PTK2: variants seen among roughly 807,000 people sequenced by gnomAD.
PTK2 encodes protein tyrosine kinase 2.
Under a neutral mutation model 150.1 loss-of-function variants are expected in PTK2, and 45 were observed. The observed-to-expected ratio is 0.30, with a 90% CI of 0.24 to 0.38. The LOEUF is 0.38. Ranked by LOEUF, PTK2 falls within the 10% of genes least tolerant of loss-of-function variation. The probability of loss-of-function intolerance (pLI) is 1.00; values close to 1 mark genes in which losing one functional copy is unlikely to be tolerated. For synonymous variants in PTK2, 432 were observed against 449.2 expected, an observed-to-expected ratio of 0.96 and a Z score of 0.48; for missense variants, 919 against 1,307.3, an observed-to-expected ratio of 0.70 and a Z score of 4.58.
intron 27 of PTK2, among the ~76,000 whole-genome samples, chr8:140,676,963 AT>A (rs1386071637): frequency 8.2e-4 from 117 of 143,178 alleles, no homozygotes; most frequent in African/African-American, 2.4e-3. Context: ...AAAAAAAAAA[AT>A]GACTTAATGG....
chr8:140,872,354 C>T (rs2100143038), intron 4 of PTK2, among the ~76,000 whole-genome samples: 1 of 152,146 alleles, frequency 6.6e-6, no homozygotes, highest in South Asian at 2.1e-4. Context: ...CCGCTGCATG[C>T]TTTTAAATTT....
chr8:140,708,515 C>T (rs1486481425), intron 23 of PTK2, among the ~76,000 whole-genome samples: 2 of 152,166 alleles, frequency 1.3e-5, no homozygotes, highest in Non-Finnish European at 2.9e-5. Flanking sequence ...CTTGCTCTAG[C>T]CCTGCTATTA....
At chr8:140,674,890 TA>T (rs201910315) in intron 28 of PTK2, among the ~76,000 whole-genome samples, 48 of 138,098 alleles carry the variant, frequency 3.5e-4, no homozygotes, top group Admixed American at 7.2e-4. Context: ...CTAGTAAAAT[TA>T]AAAAAAAAAA....
intron 24 of PTK2, among the ~76,000 whole-genome samples, chr8:140,705,269 C>T (rs2100033041): frequency 6.6e-6 from 1 of 152,102 alleles, no homozygotes; most frequent in East Asian, 1.9e-4. Context: ...TAATTTAAAC[C>T]ACGCTTTCAA....
intron 4 of PTK2, among the ~76,000 whole-genome samples, chr8:140,873,339 G>A (rs1447430808): frequency 2.6e-5 from 4 of 152,184 alleles, no homozygotes; most frequent in Admixed American, 1.3e-4. Flanking sequence ...CTAAGGTATC[G>A]ATTTGCATTT....
chr8:140,696,174 C>T (rs1005372096), intron 26 of PTK2, among the ~76,000 whole-genome samples: 2 of 152,076 alleles, frequency 1.3e-5, no homozygotes, highest in East Asian at 1.9e-4. Flanking sequence ...GGGGAGAGTG[C>T]TGAATAAAGA....
chr8:140,875,004 A>T (rs2100144722), intron 4 of PTK2, among the ~76,000 whole-genome samples: 1 of 152,238 alleles, frequency 6.6e-6, no homozygotes, highest in African/African-American at 2.4e-5. Flanking sequence ...ACACATATAT[A>T]ATATCAGTCT....
intron 2 of PTK2, among the ~76,000 whole-genome samples, chr8:140,924,520 A>T (rs1351094624): frequency 6.6e-6 from 1 of 152,170 alleles, no homozygotes; most frequent in Non-Finnish European, 1.5e-5. Context: ...ACCTCTAAGT[A>T]ATGAGAAGAC....
chr8:140,736,918 G>C (rs1208440793), intron 21 of PTK2, among the ~76,000 whole-genome samples: 2 of 152,146 alleles, frequency 1.3e-5, no homozygotes, highest in Non-Finnish European at 2.9e-5. Context: ...AATGAAATCT[G>C]CCTCAAAAGA....
chr8:140,664,494 A>G (rs745979978), intron 31 of PTK2, among the ~76,000 whole-genome samples: 2 of 152,158 alleles, frequency 1.3e-5, no homozygotes, highest in African/African-American at 4.8e-5. Context: ...AAGCTCAACT[A>G]TTTTTAAGGA....
In PTK2 at chr8:140,879,465, T is replaced by A. The variant is rs200690404; in HGVS notation, c.362+6A>T. On this transcript the variant is annotated splice_donor_region_variant and intron_variant, in intron 4 of 31. Transcript: ENST00000522684. Reference sequence around the variant, plus strand: ...TGCATCACACCAAAGCAGGTTTGTATCTTACTTCCACTCCTCTGGTGGGTG... The same window carrying A: ...TGCATCACACCAAAGCAGGTTTGTAACTTACTTCCACTCCTCTGGTGGGTG... The A allele has an allele frequency of 4.5e-5, 72 of 1,598,856 alleles. No homozygotes were observed. Among genetic ancestry groups the A allele is most frequent in the Non-Finnish European group, 5.6e-5 (66 of 1,173,754 alleles).
chr8:140,855,300 A>G (rs2100131833), intron 5 of PTK2, among the ~76,000 whole-genome samples: 1 of 152,200 alleles, frequency 6.6e-6, no homozygotes, highest in Non-Finnish European at 1.5e-5. Context: ...AGACTTAAAA[A>G]AAAAGGGGGG....
chr8:140,982,603 A>G (rs1007986188), intron 1 of PTK2, among the ~76,000 whole-genome samples: 1 of 152,204 alleles, frequency 6.6e-6, no homozygotes, highest in Non-Finnish European at 1.5e-5. Flanking sequence ...TCTCCAAAAA[A>G]AAAGAAAGAA....
At chr8:140,837,539 G>A (rs1226727300) in intron 7 of PTK2, among the ~76,000 whole-genome samples, 1 of 151,960 alleles carries the variant, frequency 6.6e-6, no homozygotes, top group Non-Finnish European at 1.5e-5. Context: ...GACCAGCCTG[G>A]CCAACATGAT....
intron 5 of PTK2, among the ~76,000 whole-genome samples, chr8:140,861,058 A>G (rs1377732071): frequency 1.3e-5 from 2 of 152,212 alleles, no homozygotes; most frequent in Non-Finnish European, 2.9e-5. Context: ...AAAGTGTGCC[A>G]TGCCAAGCAT....
chr8:140,801,894 C>T (rs1050842438), intron 11 of PTK2, among the ~76,000 whole-genome samples: 21 of 151,888 alleles, frequency 1.4e-4, no homozygotes, highest in Admixed American at 6.6e-4. Flanking sequence ...CTAGGTATGC[C>T]GTAGCCATCC....
At chr8:140,701,157 G>C in intron 25 of PTK2, 135 bp from the exon 29 acceptor site, 1 of 1,030,422 alleles carries the variant, frequency 9.7e-7, no homozygotes. Flanking sequence ...TACTGTGCTT[G>C]TGGGAATAAC....
chr8:140,698,972 T>C (rs1277181587), intron 26 of PTK2, among the ~76,000 whole-genome samples: 1 of 144,162 alleles, frequency 6.9e-6, no homozygotes, highest in African/African-American at 2.6e-5. Flanking sequence ...TTTCACCATG[T>C]GGGCTAGGCT....
chr8:140,691,192 GT>G (rs2100022970), intron 26 of PTK2, among the ~76,000 whole-genome samples: 1 of 144,414 alleles, frequency 6.9e-6, no homozygotes, highest in Non-Finnish European at 1.5e-5. Context: ...TTTAGAGATG[GT>G]TGGGGGTGGG....
Sources: allele counts gnomAD v4.1 joint callset (sites outside exome capture counted in the v4.1 genomes callset), GRCh38; gene constraint gnomAD v4.1.1; transcripts MANE v1.5; gene names NCBI Gene and HGNC (gene_info 2026-07-23, HGNC 2026-07-21).